Variants in PDE4D observed in about 807,000 individuals in gnomAD.
PDE4D encodes phosphodiesterase 4D.
A neutral mutation model predicts 87.4 loss-of-function variants in PDE4D; 24 were observed. The ratio of observed to expected loss-of-function variants is 0.27; its 90% CI spans 0.20 to 0.39. PDE4D has a LOEUF of 0.39. Ranked by LOEUF, PDE4D falls within the 10% of genes least tolerant of loss-of-function variation. The pLI, the probability that PDE4D is intolerant of heterozygous loss-of-function variation, is 1.00. For synonymous variants in PDE4D, 384 were observed against 383.2 expected (o/e 1.00, Z -0.02); for missense variants, 714 against 1,041.0 (o/e 0.69, Z 4.32).
chr5:60,382,745 T>G (rs1460885091), intron 1 of PDE4D, among the ~76,000 whole-genome samples: 1 of 152,188 alleles, frequency 6.6e-6, no homozygotes, highest in Non-Finnish European at 1.5e-5. Flanking sequence ...TTCTTAGCCC[T>G]ACTCTTTTGT....
In PDE4D at chr5:59,792,752, A is replaced by G. The variant is rs559565669; in HGVS notation, c.455+100416T>C. Reference sequence around the variant, plus strand: ...GATGGGTTTGGCATCATGTAAACTAATTGACTGGGGAAGAAACAGAACAAA... The same window carrying G: ...GATGGGTTTGGCATCATGTAAACTAGTTGACTGGGGAAGAAACAGAACAAA... On this transcript the variant is annotated intron_variant, in intron 1 of 14. Coordinates refer to ENST00000340635, the MANE Select transcript of PDE4D (RefSeq NM_001104631.2). Among the ~76,000 whole-genome samples the G allele has an allele frequency of 2.0e-5, 3 of 152,196 alleles. 1 individual carries two copies. The highest frequency in any genetic ancestry group is 2.0e-4 in the Admixed American group (3 of 15,274).
intron 5 of PDE4D, among the ~76,000 whole-genome samples, chr5:59,106,140 T>C (rs922725902): frequency 6.6e-6 from 1 of 152,222 alleles, no homozygotes; most frequent in Non-Finnish European, 1.5e-5. Context: ...AAAATACAGA[T>C]AATGTACATG....
chr5:60,040,531 T>C (rs1340157551), intron 2 of PDE4D, among the ~76,000 whole-genome samples: 2 of 152,204 alleles, frequency 1.3e-5, no homozygotes, highest in African/African-American at 4.8e-5. Flanking sequence ...TTAGCTTTCA[T>C]TTTGGTTATA....
chr5:59,704,959 C>A (rs987424988), intron 1 of PDE4D, among the ~76,000 whole-genome samples: 4 of 152,114 alleles, frequency 2.6e-5, no homozygotes, highest in African/African-American at 9.7e-5. Context: ...CTCCAACTAC[C>A]AATATTAGTC....
chr5:60,133,912 C>T (rs903960804), intron 2 of PDE4D, among the ~76,000 whole-genome samples: 19 of 152,114 alleles, frequency 1.2e-4, no homozygotes, highest in South Asian at 2.1e-4. Context: ...TTTTTACTAA[C>T]TTGTAACTGA....
At chr5:60,226,734 T>G (rs1745152251) in intron 1 of PDE4D, among the ~76,000 whole-genome samples, 2 of 151,928 alleles carry the variant, frequency 1.3e-5, no homozygotes, top group African/African-American at 4.8e-5. Flanking sequence ...TCTTCTTCTG[T>G]TCTCATTTTT....
chr5:59,930,435 C>G (rs1293190211), intron 3 of PDE4D, among the ~76,000 whole-genome samples: 1 of 152,122 alleles, frequency 6.6e-6, no homozygotes, highest in South Asian at 2.1e-4. Flanking sequence ...TATGATGCCA[C>G]AAGTTAAGGA....
chr5:59,430,312 A>G, intron 1 of PDE4D: 1 of 1,231,372 alleles, frequency 8.1e-7, no homozygotes. Context: ...CTGTGGCTTA[A>G]TATCAATTGG....
At chr5:59,095,888 T>A (rs1365780002) in intron 5 of PDE4D, among the ~76,000 whole-genome samples, 1 of 152,236 alleles carries the variant, frequency 6.6e-6, no homozygotes, top group African/African-American at 2.4e-5. Context: ...AAATAGGCTA[T>A]CTCAGGGATT....
intron 5 of PDE4D, among the ~76,000 whole-genome samples, chr5:59,071,712 A>T (rs1580648202): frequency 6.2e-5 from 5 of 80,532 alleles, no homozygotes; most frequent in African/African-American, 1.5e-4. Context: ...TTTGAGATGG[A>T]GTCTCACTCT....
At chr5:60,517,683 A>T (rs528395874) in intron 1 of PDE4D, among the ~76,000 whole-genome samples, 3 of 152,238 alleles carry the variant, frequency 2.0e-5, no homozygotes, top group East Asian at 3.9e-4. Context: ...GCTTGACAGG[A>T]CAACCTGCCT....
At chr5:60,459,589 T>G (rs1382624267) in intron 1 of PDE4D, among the ~76,000 whole-genome samples, 1 of 152,050 alleles carries the variant, frequency 6.6e-6, no homozygotes, top group African/African-American at 2.4e-5. Context: ...AGGTTTTTCT[T>G]TTTTCCCACA....
chr5:60,345,845 A>G (rs887775237), intron 1 of PDE4D, among the ~76,000 whole-genome samples: 1 of 152,130 alleles, frequency 6.6e-6, no homozygotes, highest in Non-Finnish European at 1.5e-5. Context: ...GGGCCAGGAG[A>G]GTAAATATGT....
At chr5:59,567,538 A>G (rs1821146480) in intron 1 of PDE4D, among the ~76,000 whole-genome samples, 1 of 152,214 alleles carries the variant, frequency 6.6e-6, no homozygotes, top group African/African-American at 2.4e-5. Context: ...CAAACAATAT[A>G]AAGTTGACTA....
intron 1 of PDE4D, among the ~76,000 whole-genome samples, chr5:60,308,708 G>A (rs1396518547): frequency 6.6e-6 from 1 of 152,126 alleles, no homozygotes; most frequent in African/African-American, 2.4e-5. Context: ...TATGGGAAAA[G>A]CCAAAGAAGA....
intron 1 of PDE4D, among the ~76,000 whole-genome samples, chr5:60,485,620 T>C (rs1233189520): frequency 6.6e-6 from 1 of 152,184 alleles, no homozygotes; most frequent in African/African-American, 2.4e-5. Flanking sequence ...CAGAACCTTA[T>C]CTGCAAAAGA....
intron 1 of PDE4D, among the ~76,000 whole-genome samples, chr5:60,305,600 T>A (rs748481821): frequency 6.7e-6 from 1 of 148,236 alleles, no homozygotes. Context: ...AGGAAAAAAA[T>A]AAATCAGTAA....
Position 59,571,691 on chromosome 5 carries a change from G to T in PDE4D, c.455+321477C>A, listed in dbSNP as rs750135219. Among the ~76,000 whole-genome samples, 105 of 152,246 alleles carry T rather than the reference G, an allele frequency of 6.9e-4. 1 individual carries two copies. The highest frequency in any genetic ancestry group is 1.4e-3 in the Non-Finnish European group (97 of 68,018). ...CAATATAAAACAGCCAACTCACCTA[G>T]CCAGGGAAAAGAAATAATAAGAAAA... On this transcript the variant is annotated intron_variant, in intron 1 of 14. Coordinates refer to ENST00000340635, the MANE Select transcript of PDE4D (RefSeq NM_001104631.2).
chr5:59,559,445 G>A (rs1819557559), intron 1 of PDE4D, among the ~76,000 whole-genome samples: 2 of 152,134 alleles, frequency 1.3e-5, no homozygotes, highest in South Asian at 4.1e-4. Flanking sequence ...CTTTGTTTAA[G>A]GAAACGAACA....
Sources: allele counts gnomAD v4.1 joint callset (sites outside exome capture counted in the v4.1 genomes callset), GRCh38; gene constraint gnomAD v4.1.1; transcripts MANE v1.5; gene names NCBI Gene and HGNC (gene_info 2026-07-23, HGNC 2026-07-21).